SHISA9: variants seen among roughly 807,000 people sequenced by gnomAD.
The protein encoded by SHISA9 is protein shisa-9.
In SHISA9, 13 loss-of-function variants were observed where a neutral mutation model predicts 38.0. The ratio of observed to expected loss-of-function variants is 0.34; its 90% CI spans 0.22 to 0.54. SHISA9 has a LOEUF of 0.54. Among genes scored for constraint, SHISA9 ranks in the 20% least tolerant of loss-of-function variants. SHISA9 has a pLI of 0.91. For missense variants in SHISA9, 538 were observed against 575.8 expected, an observed-to-expected ratio of 0.93 and a Z score of 0.67; for synonymous variants, 275 against 242.0, an observed-to-expected ratio of 1.14 and a Z score of -1.27.
chr16:13,118,012 T>C (rs1350020090), intron 2 of SHISA9, among the ~76,000 whole-genome samples: 1 of 151,910 alleles, frequency 6.6e-6, no homozygotes, highest in Non-Finnish European at 1.5e-5. Flanking sequence ...TGAAACCCCA[T>C]CTCTACTAAA....
the SHISA9 span, among the ~76,000 whole-genome samples, chr16:13,371,290 C>T: frequency 3.3e-5 from 5 of 152,172 alleles, no homozygotes; most frequent in African/African-American, 1.2e-4. Flanking sequence ...GGGGAACTTG[C>T]TAATATCCAG....
intron 1 of SHISA9, among the ~76,000 whole-genome samples, chr16:12,903,249 CCCCTTTA>C (rs1205562705): frequency 6.6e-6 from 1 of 152,184 alleles, no homozygotes; most frequent in East Asian, 1.9e-4. Flanking sequence ...GCTGCCCCCG[CCCCTTTA>C]CCCACCTCAT....
chr16:12,982,443 C>G (rs1198953613), intron 2 of SHISA9, among the ~76,000 whole-genome samples: 1 of 152,190 alleles, frequency 6.6e-6, no homozygotes, highest in African/African-American at 2.4e-5. Context: ...AATGATTACA[C>G]TTCTTAGTGC....
chr16:13,365,389 C>G, the SHISA9 span, among the ~76,000 whole-genome samples: 39 of 151,936 alleles, frequency 2.6e-4, no homozygotes, highest in East Asian at 6.4e-3. Flanking sequence ...GTGATGTGTG[C>G]CAGGCATCAT....
the SHISA9 span, among the ~76,000 whole-genome samples, chr16:13,442,298 A>G: frequency 3.3e-5 from 5 of 151,328 alleles, no homozygotes; most frequent in South Asian, 1.1e-3. Flanking sequence ...TGTGTCTGCA[A>G]ATGTTAACAA....
intron 4 of SHISA9, among the ~76,000 whole-genome samples, chr16:13,223,638 C>T (rs762851322): frequency 6.6e-6 from 1 of 152,146 alleles, no homozygotes; most frequent in Non-Finnish European, 1.5e-5. Flanking sequence ...AGTCTGTTCT[C>T]ATGCTGCGAA....
chr16:13,560,357 C>G, the SHISA9 span, among the ~76,000 whole-genome samples: 1 of 152,196 alleles, frequency 6.6e-6, no homozygotes, highest in Non-Finnish European at 1.5e-5. Context: ...AGGGTGTAAG[C>G]TGCTGATTGG....
intron 2 of SHISA9, among the ~76,000 whole-genome samples, chr16:12,973,228 A>G (rs1272077248): frequency 1.3e-5 from 2 of 152,250 alleles, no homozygotes; most frequent in East Asian, 3.8e-4. Flanking sequence ...GCTGAATCCC[A>G]TATTCACAGA....
chr16:13,084,802 A>G (rs1159612352), intron 2 of SHISA9, among the ~76,000 whole-genome samples: 1 of 152,192 alleles, frequency 6.6e-6, no homozygotes, highest in East Asian at 1.9e-4. Context: ...AGATATAAAG[A>G]ATGAAGAGAA....
At chr16:13,306,042 G>A in the SHISA9 span, among the ~76,000 whole-genome samples, 2 of 152,194 alleles carry the variant, frequency 1.3e-5, no homozygotes, top group African/African-American at 4.8e-5. Flanking sequence ...GTGTGTGCAA[G>A]GTACAGAGGT....
At chr16:13,356,506 G>A in the SHISA9 span, among the ~76,000 whole-genome samples, 11 of 152,248 alleles carry the variant, frequency 7.2e-5, no homozygotes, top group Admixed American at 2.0e-4. Flanking sequence ...GGCTAGTCAC[G>A]GAACGAAACG....
intron 3 of SHISA9, among the ~76,000 whole-genome samples, chr16:13,209,981 G>C (rs1010461933): frequency 6.6e-6 from 1 of 151,958 alleles, no homozygotes; most frequent in Admixed American, 6.5e-5. Flanking sequence ...CATGCCTGTA[G>C]TCTCAGCTAC....
the SHISA9 span, among the ~76,000 whole-genome samples, chr16:13,505,578 C>G: frequency 6.6e-6 from 1 of 152,242 alleles, no homozygotes; most frequent in Non-Finnish European, 1.5e-5. Flanking sequence ...ACACCCACTG[C>G]TGAGATGTGG....
At chr16:13,447,448 C>A in the SHISA9 span, among the ~76,000 whole-genome samples, 1 of 152,184 alleles carries the variant, frequency 6.6e-6, no homozygotes, top group Non-Finnish European at 1.5e-5. Context: ...TCTCTGGCTG[C>A]ACAGTGTGGC....
the SHISA9 span, among the ~76,000 whole-genome samples, chr16:13,452,336 AAG>A: frequency 6.6e-6 from 1 of 152,222 alleles, no homozygotes; most frequent in Non-Finnish European, 1.5e-5. Context: ...AAATGCAAGA[AAG>A]AGCCTCAAAC....
At chr16:13,290,140 A>C in the SHISA9 span, among the ~76,000 whole-genome samples, 841 of 152,198 alleles carry the variant, frequency 5.5e-3, 10 homozygotes, top group African/African-American at 0.019. Context: ...GGAATGTAAA[A>C]ATTTAGAGCC....
the SHISA9 span, among the ~76,000 whole-genome samples, chr16:13,416,784 G>A: frequency 2.8e-5 from 3 of 107,048 alleles, no homozygotes; most frequent in Admixed American, 9.6e-5. Flanking sequence ...GGGAAGGAAG[G>A]AAGGAAGGGA....
chr16:13,230,268 C>A (rs1177556249), intron 4 of SHISA9, among the ~76,000 whole-genome samples: 1 of 152,056 alleles, frequency 6.6e-6, no homozygotes, highest in Non-Finnish European at 1.5e-5. Flanking sequence ...TGATGAATGA[C>A]TAAATGAATG....
the SHISA9 span, among the ~76,000 whole-genome samples, chr16:13,250,416 C>G: frequency 1.3e-5 from 2 of 152,132 alleles, no homozygotes; most frequent in African/African-American, 4.8e-5. Flanking sequence ...CTATTTGGCA[C>G]ATGGGTAGAC....
Sources: allele counts gnomAD v4.1 joint callset (sites outside exome capture counted in the v4.1 genomes callset), GRCh38; gene constraint gnomAD v4.1.1; transcripts MANE v1.5; gene names NCBI Gene and HGNC (gene_info 2026-07-23, HGNC 2026-07-21).